Variants in PPP1R14C observed in about 807,000 individuals in gnomAD.
PPP1R14C encodes the protein protein phosphatase 1 regulatory inhibitor subunit 14C.
A neutral mutation model predicts 20.4 loss-of-function variants in PPP1R14C; 16 were observed. That is an observed-to-expected ratio of 0.78 (90% CI 0.53 to 1.19). The LOEUF (loss-of-function observed/expected upper bound fraction) is 1.19. Among genes scored for constraint, PPP1R14C ranks in the 50% most tolerant of loss-of-function variants. The pLI, the probability that PPP1R14C is intolerant of heterozygous loss-of-function variation, is 0.00. For missense variants in PPP1R14C, 211 were observed against 220.1 expected (o/e 0.96, Z 0.26); for synonymous variants, 91 against 91.0 (o/e 1.00, Z 0.00).
rs1302356313 is a variant in PPP1R14C, at chr6:150,143,525, CG to C, written c.306+31del. The C allele has an allele frequency of 1.7e-6, 1 of 603,248 alleles. No individual in the cohort carries two copies. The highest frequency in any genetic ancestry group is 3.0e-6 in the Non-Finnish European group (1 of 333,126). 37.4% of individuals were successfully genotyped at this position (603,248 alleles called of 1,614,324 possible). A position where few individuals can be genotyped will look rare whatever the true frequency, so the allele number is the denominator to read the frequency against. On this transcript the variant is annotated intron_variant, in intron 1 of 3. Coordinates refer to ENST00000361131, the MANE Select transcript of PPP1R14C (RefSeq NM_030949.3). The surrounding 1 kb of genome is among the most constrained non-coding windows in gnomAD (Gnocchi z 5.6). ...TACCTGGGCGCGGGGCTGGGAGGGTCGGGGACCTCTCTAGCTCCTCTGTGCC... is the reference window on the plus strand; with the variant it reads ...TACCTGGGCGCGGGGCTGGGAGGGTCGGGACCTCTCTAGCTCCTCTGTGCC...
intron 1 of PPP1R14C, among the ~76,000 whole-genome samples, chr6:150,173,334 C>G (rs1777519406): frequency 6.6e-6 from 1 of 151,364 alleles, no homozygotes; most frequent in Non-Finnish European, 1.5e-5. Context: ...CTTATCCTTA[C>G]CCTTTTTTTT....
chr6:150,180,561 G>T (rs1166901965), intron 1 of PPP1R14C, among the ~76,000 whole-genome samples: 1 of 152,174 alleles, frequency 6.6e-6, no homozygotes, highest in Non-Finnish European at 1.5e-5. Flanking sequence ...TGCACATGTG[G>T]GTACATCTCA....
rs1195955955 is a variant in PPP1R14C at position 150,143,998 on chromosome 6, C to T, written c.306+500C>T. Among the ~76,000 whole-genome samples, 1 of 152,202 alleles carries T rather than the reference C, an allele frequency of 6.6e-6. No individual in the cohort carries two copies. Among genetic ancestry groups the T allele is most frequent in the African/African-American group, 2.4e-5 (1 of 41,460 alleles). ...GGAGAGGTTCTGGGGATCTCAGAGG[C>T]CCCCTTGGTTCTTGAAATTCCCCGT... On this transcript the variant is annotated intron_variant, in intron 1 of 3. Coordinates refer to ENST00000361131, the MANE Select transcript of PPP1R14C (RefSeq NM_030949.3). This position sits in a 1 kb window ranked among gnomAD's most constrained non-coding sequence, Gnocchi z 5.6.
At position 150,143,282 on chromosome 6, in the gene PPP1R14C, C is replaced by A. The variant is rs749067478; in HGVS notation, c.90C>A (p.Ala30=). 7.0e-5 allele frequency: 108 copies of A among 1,538,218 alleles called. No homozygotes were observed. Among genetic ancestry groups the A allele is most frequent in the Non-Finnish European group, 9.2e-5 (106 of 1,150,196 alleles). ...RVFFQSPRGG[A]GGSPGSSSGS... ...TCTTCCAAAGCCCCCGGGGTGGCGCCGGTGGCAGCCCCGGCTCCAGCAGCG... is the reference window on the plus strand; with the variant it reads ...TCTTCCAAAGCCCCCGGGGTGGCGCAGGTGGCAGCCCCGGCTCCAGCAGCG... The change falls in exon 1 of 4, where the codon GCC becomes GCA. Residue 30 remains alanine (A), a synonymous_variant. Transcript: ENST00000361131. The surrounding 1 kb of genome is among the most constrained non-coding windows in gnomAD (Gnocchi z 5.6).
intron 3 of PPP1R14C, among the ~76,000 whole-genome samples, chr6:150,218,353 A>C (rs1226564321): frequency 1.3e-5 from 2 of 152,024 alleles, no homozygotes; most frequent in Admixed American, 6.5e-5. Flanking sequence ...CAGTGAGCCG[A>C]GATTGCGCCA....
At chr6:150,179,390 G>C (rs972927348) in intron 1 of PPP1R14C, among the ~76,000 whole-genome samples, 8 of 120,860 alleles carry the variant, frequency 6.6e-5, no homozygotes, top group African/African-American at 2.5e-4. Flanking sequence ...GACACCAACA[G>C]AAAGAAAGAG....
At position 150,185,814 on chromosome 6, in the gene PPP1R14C, C is replaced by T. The variant is rs1777670329; in HGVS notation, c.307-28930C>T. ...ATATTGGCTGATGTAGGGGTTCTACCCTCACCATCACTCAGGGACCTAGGC... is the reference window on the plus strand; with the variant it reads ...ATATTGGCTGATGTAGGGGTTCTACTCTCACCATCACTCAGGGACCTAGGC... On this transcript the variant is annotated intron_variant, in intron 1 of 3. Coordinates refer to ENST00000361131, the MANE Select transcript of PPP1R14C (RefSeq NM_030949.3). The surrounding 1 kb of genome is among the most constrained non-coding windows in gnomAD (Gnocchi z 4.1). 6.6e-6 allele frequency among the ~76,000 whole-genome samples: 1 copy of T among 152,102 alleles called. No individual in the cohort carries two copies. Among genetic ancestry groups the T allele is most frequent in the Admixed American group, 6.5e-5 (1 of 15,272 alleles).
At chr6:150,210,434 T>C (rs1015333935) in intron 1 of PPP1R14C, among the ~76,000 whole-genome samples, 2 of 152,244 alleles carry the variant, frequency 1.3e-5, no homozygotes, top group African/African-American at 2.4e-5. Context: ...GCCAGGATCA[T>C]CTTCAAGCCC....
intron 3 of PPP1R14C, among the ~76,000 whole-genome samples, chr6:150,233,712 G>A (rs1236325481): frequency 1.3e-5 from 2 of 152,178 alleles, no homozygotes; most frequent in African/African-American, 2.4e-5. Context: ...CTGCATTGTT[G>A]ATTGCCATGC....
At position 150,171,169 on chromosome 6, in the gene PPP1R14C, A is replaced by C. The variant is rs558054610; in HGVS notation, c.306+27671A>C. On this transcript the variant is annotated intron_variant, in intron 1 of 3. Transcript: ENST00000361131. ...GGTGCTGTACATTCCATGGGTTTGGACAAATGTTTAATGACATGTACCCAC... is the reference window on the plus strand; with the variant it reads ...GGTGCTGTACATTCCATGGGTTTGGCCAAATGTTTAATGACATGTACCCAC... Among the ~76,000 whole-genome samples, 55 of 152,278 alleles carry C rather than the reference A, an allele frequency of 3.6e-4. 1 individual carries two copies. Among genetic ancestry groups the C allele is most frequent in the African/African-American group, 1.3e-3 (52 of 41,548 alleles).
At chr6:150,153,371 A>G (rs540731371) in intron 1 of PPP1R14C, among the ~76,000 whole-genome samples, 1 of 152,376 alleles carries the variant, frequency 6.6e-6, no homozygotes, top group South Asian at 2.1e-4. Flanking sequence ...CTGAACTAAA[A>G]GGAAGTTGTG....
intron 1 of PPP1R14C, among the ~76,000 whole-genome samples, chr6:150,167,990 C>T (rs12663222): frequency 0.06 from 45 of 744 alleles, 1 homozygote; most frequent in East Asian, 0.38. Flanking sequence ...CTCCTCCCCT[C>T]TTCCTCTCCC....
intron 1 of PPP1R14C, among the ~76,000 whole-genome samples, chr6:150,158,918 T>C (rs1777334498): frequency 6.6e-6 from 1 of 152,208 alleles, no homozygotes; most frequent in African/African-American, 2.4e-5. Context: ...TTCTTTATAT[T>C]TTCAGAGGAA....
At chr6:150,204,536 C>T (rs1777919904) in intron 1 of PPP1R14C, among the ~76,000 whole-genome samples, 1 of 152,130 alleles carries the variant, frequency 6.6e-6, no homozygotes, top group South Asian at 2.1e-4. Flanking sequence ...TCGGATGTGC[C>T]CAGTCAACTT....
At chr6:150,181,975 G>A (rs1403269388) in intron 1 of PPP1R14C, among the ~76,000 whole-genome samples, 2 of 152,186 alleles carry the variant, frequency 1.3e-5, no homozygotes, top group East Asian at 1.9e-4. Context: ...TGGGAAATAG[G>A]ATTCAGTGGT....
At chr6:150,211,522 G>A (rs961666878) in intron 1 of PPP1R14C, among the ~76,000 whole-genome samples, 2 of 152,162 alleles carry the variant, frequency 1.3e-5, no homozygotes, top group African/African-American at 4.8e-5. Context: ...CCATGGGCAT[G>A]TTCCCTCCTT....
At chr6:150,241,801 C>A (rs551382121) in intron 3 of PPP1R14C, among the ~76,000 whole-genome samples, 2 of 152,130 alleles carry the variant, frequency 1.3e-5, no homozygotes, top group Non-Finnish European at 2.9e-5. Flanking sequence ...GCACAAGAAT[C>A]GCTTGAACCC....
chr6:150,216,266 C>T (rs373510454), intron 2 of PPP1R14C, among the ~76,000 whole-genome samples: 9 of 152,140 alleles, frequency 5.9e-5, no homozygotes, highest in Non-Finnish European at 7.4e-5. Context: ...GAGGCCAAGG[C>T]GGGTGGATCA....
chr6:150,173,385 C>G (rs554554637), intron 1 of PPP1R14C, among the ~76,000 whole-genome samples: 1 of 152,106 alleles, frequency 6.6e-6, no homozygotes, highest in Non-Finnish European at 1.5e-5. Flanking sequence ...GCCTTTTCCA[C>G]TCATGTGGAG....
Sources: gnomAD v4.1 joint callset for allele counts (sites outside exome capture counted in the v4.1 genomes callset) on GRCh38, gnomAD v4.1.1 for gene constraint, Gnocchi (gnomAD v3.1) non-coding constraint, MANE v1.5 for transcripts, NCBI Gene and HGNC (gene_info 2026-07-23, HGNC 2026-07-21) for gene names.